Variants in SPECC1L observed in about 807,000 individuals in gnomAD.
The protein encoded by SPECC1L is sperm antigen with calponin homology and coiled-coil domains 1 like.
SPECC1L carries 40 observed loss-of-function variants against 116.8 expected under a neutral mutation model. The ratio of observed to expected loss-of-function variants is 0.34; its 90% confidence interval spans 0.27 to 0.45. The LOEUF (loss-of-function observed/expected upper bound fraction) is 0.45, where lower values mean the gene tolerates loss of function less well. Ranked by LOEUF, SPECC1L falls within the 20% of genes least tolerant of loss-of-function variation. The pLI is 1.00. For synonymous variants in SPECC1L, 504 were observed against 500.6 expected (o/e 1.01, Z -0.09); for missense variants, 1,110 against 1,373.6 (o/e 0.81, Z 3.03).
At chr22:24,388,667 T>C (rs1307448626) in intron 14 of SPECC1L, among the ~76,000 whole-genome samples, 5 of 152,162 alleles carry the variant, frequency 3.3e-5, no homozygotes, top group Admixed American at 6.5e-5. Context: ...CCAAACTGAC[T>C]TCCACAATGG....
chr22:24,386,784 G>C (rs979087348), intron 14 of SPECC1L, among the ~76,000 whole-genome samples: 2 of 151,842 alleles, frequency 1.3e-5, no homozygotes, highest in Admixed American at 1.3e-4. Context: ...TTTTTGTATT[G>C]TTAGTAGAGA....
intron 10 of SPECC1L, among the ~76,000 whole-genome samples, chr22:24,342,595 C>G (rs1421520561): frequency 6.6e-6 from 1 of 150,992 alleles, no homozygotes; most frequent in Non-Finnish European, 1.5e-5. Flanking sequence ...ATCGCTTGAA[C>G]CCAGGAGGGG....
At chr22:24,368,269 G>C (rs926646394) in intron 13 of SPECC1L, among the ~76,000 whole-genome samples, 5 of 152,112 alleles carry the variant, frequency 3.3e-5, no homozygotes, top group Non-Finnish European at 5.9e-5. Context: ...GAAGTTCCTT[G>C]GGATAGGGGC....
Position 24,288,615 on chromosome 22 carries a change from C to CTTTTTTTTTTT in SPECC1L, c.-38+11831_-38+11841dup, listed in dbSNP as rs756714389. Among the ~76,000 whole-genome samples the CTTTTTTTTTTT allele has an allele frequency of 3.6e-4, 22 of 61,678 alleles. 6 individuals are homozygous for CTTTTTTTTTTT. Among genetic ancestry groups the CTTTTTTTTTTT allele is most frequent in the African/African-American group, 1.1e-3 (16 of 14,450 alleles). The allele number at this position is 61,678 out of a possible 152,430, so 40.5% of individuals were successfully genotyped here. A position where few individuals can be genotyped will look rare whatever the true frequency, so the allele number is the denominator to read the frequency against. On this transcript the variant is annotated intron_variant, in intron 2 of 16. Transcript: ENST00000314328. The stretch of plus-strand genomic sequence containing the variant: ...GACTTCTCAAATCCAAAATTTTAAG[C>CTTTTTTTTTTT]TTTTTTTTTTTTTTTTTTTTTTTTT...
chr22:24,347,473 T>A (rs1338868534), intron 11 of SPECC1L, among the ~76,000 whole-genome samples: 3 of 152,200 alleles, frequency 2.0e-5, no homozygotes, highest in Non-Finnish European at 4.4e-5. Flanking sequence ...ATTTTATAGA[T>A]ACCAAAAATG....
intron 14 of SPECC1L, among the ~76,000 whole-genome samples, chr22:24,378,099 C>G (rs2042002942): frequency 6.6e-6 from 1 of 152,206 alleles, no homozygotes; most frequent in Non-Finnish European, 1.5e-5. Context: ...AGTGTGGCCA[C>G]CTTCATCAGT....
chr22:24,347,742 C>T (rs9612609), intron 11 of SPECC1L, among the ~76,000 whole-genome samples: 1 of 152,054 alleles, frequency 6.6e-6, no homozygotes, highest in Non-Finnish European at 1.5e-5. Flanking sequence ...GTGGCACAAT[C>T]TTGGCTCACT....
intron 14 of SPECC1L, among the ~76,000 whole-genome samples, chr22:24,387,210 A>G (rs1410374207): frequency 6.6e-6 from 1 of 152,236 alleles, no homozygotes; most frequent in Non-Finnish European, 1.5e-5. Context: ...AGGTACTACA[A>G]AACAAGCAAA....
At chr22:24,307,160 G>T (rs1040957551) in intron 3 of SPECC1L, among the ~76,000 whole-genome samples, 2 of 152,162 alleles carry the variant, frequency 1.3e-5, no homozygotes, top group Non-Finnish European at 2.9e-5. Flanking sequence ...TTTGGGGGGG[G>T]TATATACCCG....
At chr22:24,344,286 AT>A (rs746553466) in intron 10 of SPECC1L, among the ~76,000 whole-genome samples, 13 of 152,132 alleles carry the variant, frequency 8.5e-5, no homozygotes, top group Non-Finnish European at 1.8e-4. Context: ...AGTGTGATGT[AT>A]CCCAGGGGTG....
chr22:24,412,466 C>A (rs148500306), intron 15 of SPECC1L, 182 bp from the exon 16 acceptor site: 2 of 671,598 alleles, frequency 3.0e-6, no homozygotes, highest in Non-Finnish European at 5.4e-6. Context: ...GGAGGGTGGC[C>A]GGGCCTAGTG....
At chr22:24,286,552 A>G (rs772807932) in intron 2 of SPECC1L, among the ~76,000 whole-genome samples, 2 of 152,212 alleles carry the variant, frequency 1.3e-5, no homozygotes, top group South Asian at 2.1e-4. Context: ...GGACCATGAC[A>G]TTTTGAATTT....
intron 4 of SPECC1L, among the ~76,000 whole-genome samples, chr22:24,317,060 A>C (rs2040591054): frequency 1.0e-5 from 1 of 99,298 alleles, no homozygotes; most frequent in Non-Finnish European, 2.2e-5. Context: ...TCCCTCCCGG[A>C]GGGGGTGGCT....
intron 10 of SPECC1L, among the ~76,000 whole-genome samples, chr22:24,338,704 T>C (rs1188973367): frequency 6.6e-6 from 1 of 152,228 alleles, no homozygotes; most frequent in Non-Finnish European, 1.5e-5. Context: ...CTAACAACAG[T>C]TGAACACTTG....
intron 11 of SPECC1L, among the ~76,000 whole-genome samples, chr22:24,351,603 A>G (rs922864982): frequency 6.6e-5 from 10 of 152,148 alleles, no homozygotes; most frequent in African/African-American, 2.4e-4. Context: ...AAGGAAACAC[A>G]CTTAGATGAA....
chr22:24,361,233 G>A (rs2041636629), intron 11 of SPECC1L, among the ~76,000 whole-genome samples: 1 of 151,946 alleles, frequency 6.6e-6, no homozygotes, highest in South Asian at 2.1e-4. Context: ...CCTCATCTCT[G>A]CAAAAAACTA....
intron 8 of SPECC1L, among the ~76,000 whole-genome samples, chr22:24,331,007 A>G (rs1236939422): frequency 2.6e-5 from 4 of 152,252 alleles, no homozygotes; most frequent in South Asian, 2.1e-4. Flanking sequence ...GTTTCTCTCT[A>G]TCACTTACTT....
rs1251006821 is a variant in SPECC1L at position 24,322,649 on chromosome 22, G to A, written c.1669G>A (p.Ala557Thr). The A allele has an allele frequency of 6.2e-7, 1 of 1,613,648 alleles. No individual in the cohort carries two copies. The highest frequency in any genetic ancestry group is 2.2e-5 in the East Asian group (1 of 44,898). The change falls in exon 5 of 17, where the codon GCC becomes ACC. Residue 557 changes from alanine (A) to threonine (T), a missense_variant. By Grantham distance (58) the Ala-to-Thr change is moderately conservative. Coordinates refer to ENST00000314328, the MANE Select transcript of SPECC1L (RefSeq NM_015330.6). ...IIESEQKGKA[A>T]LAATLEEYKA... The stretch of plus-strand genomic sequence containing the variant: ...TGAGTCTGAGCAGAAAGGAAAAGCA[G>A]CCTTGGCAGCCACGTTAGAGGAATA...
At chr22:24,289,303 A>G (rs1232067921) in intron 2 of SPECC1L, among the ~76,000 whole-genome samples, 1 of 152,220 alleles carries the variant, frequency 6.6e-6, no homozygotes, top group Non-Finnish European at 1.5e-5. Flanking sequence ...TCACTTATGT[A>G]CTGTTGCCAG....
Sources: gnomAD v4.1 joint callset for allele counts (sites outside exome capture counted in the v4.1 genomes callset) on GRCh38, gnomAD v4.1.1 for gene constraint, MANE v1.5 for transcripts, NCBI Gene and HGNC (gene_info 2026-07-23, HGNC 2026-07-21) for gene names.